ALDH8A1: variants seen among roughly 807,000 people sequenced by gnomAD.
ALDH8A1 encodes aldehyde dehydrogenase 8 family member A1, also known as 2-aminomuconic semialdehyde dehydrogenase.
Under a neutral mutation model 43.3 loss-of-function variants are expected in ALDH8A1, and 39 were observed. The ratio of observed to expected loss-of-function variants is 0.90; its 90% CI spans 0.70 to 1.18. The LOEUF is 1.18. Ranked by LOEUF, ALDH8A1 falls within the 50% of genes most tolerant of loss-of-function variation. The pLI, the probability that ALDH8A1 is intolerant of heterozygous loss-of-function variation, is 0.00. For synonymous variants in ALDH8A1, 233 were observed against 243.5 expected, an observed-to-expected ratio of 0.96 and a Z score of 0.40; for missense variants, 605 against 622.6, an observed-to-expected ratio of 0.97 and a Z score of 0.30.
At chr6:134,943,692 T>G in intron 2 of ALDH8A1, 127 bp downstream of exon 2, 3 of 1,399,096 alleles carry the variant, frequency 2.1e-6, no homozygotes, top group South Asian at 2.9e-5. Context: ...CAGGGGAGGG[T>G]TTGCTCTCCA....
intron 6 of ALDH8A1, among the ~76,000 whole-genome samples, chr6:134,919,576 A>G (rs960333669): frequency 1.3e-5 from 2 of 152,226 alleles, no homozygotes; most frequent in Non-Finnish European, 2.9e-5. Context: ...GAAATAGCTC[A>G]TAATAATTAT....
At chr6:134,938,596 G>A (rs7772031) in intron 4 of ALDH8A1, among the ~76,000 whole-genome samples, 95,429 of 151,824 alleles carry the variant, frequency 0.63, 30,186 homozygotes, top group East Asian at 0.74. Context: ...ATTGTCATCA[G>A]GATTAACTTG....
At chr6:134,946,870 C>T (rs1368623909) in intron 1 of ALDH8A1, among the ~76,000 whole-genome samples, 4 of 151,644 alleles carry the variant, frequency 2.6e-5, no homozygotes, top group Admixed American at 1.3e-4. Flanking sequence ...TTAGTACTGT[C>T]CTCTGTAAAA....
Position 134,949,960 on chromosome 6 carries a change from T to C in ALDH8A1, c.94A>G (p.Thr32Ala), listed in dbSNP as rs1424520257. 12 of 1,612,624 alleles carry C rather than the reference T, an allele frequency of 7.4e-6. No individual in the cohort carries two copies. The highest frequency in any genetic ancestry group is 1.7e-5 in the Admixed American group (1 of 59,840). Reference sequence around the variant, plus strand: ...GGCACTCTGCAATACACTTCCCCTGTTGATGGGTCGTAAGAATCTATATAT... The same window carrying C: ...GGCACTCTGCAATACACTTCCCCTGCTGATGGGTCGTAAGAATCTATATAT... ...SSYIDSYDPS[T>A]GEVYCRVPNS... The change falls in exon 1 of 7, where the codon ACA (threonine) becomes GCA (alanine). Residue 32 changes from threonine to alanine, a missense_variant. Transcript: ENST00000265605.
chr6:134,933,073 G>A (rs1177645484), intron 4 of ALDH8A1, 41 bp from the exon 5 acceptor site: 3 of 1,496,546 alleles, frequency 2.0e-6, no homozygotes, highest in East Asian at 2.3e-5. Flanking sequence ...TTCTCAGTAT[G>A]TTGAAGAGTT....
At chr6:134,932,648 G>A (rs1283519658) in intron 5 of ALDH8A1, 128 bp downstream of exon 5, 1 of 1,328,310 alleles carries the variant, frequency 7.5e-7, no homozygotes, top group Admixed American at 2.3e-5. Flanking sequence ...ATCACACAAT[G>A]TACTGATCCT....
intron 6 of ALDH8A1, among the ~76,000 whole-genome samples, chr6:134,928,836 TC>T (rs1164472969): frequency 6.6e-6 from 1 of 152,250 alleles, no homozygotes; most frequent in African/African-American, 2.4e-5. Flanking sequence ...CTTCTCAAGT[TC>T]ATTAATTTCA....
At chr6:134,932,666 CG>C in intron 5 of ALDH8A1, 109 bp downstream of exon 5, 1 of 1,455,740 alleles carries the variant, frequency 6.9e-7, no homozygotes, top group Non-Finnish European at 9.3e-7. Flanking sequence ...CCTGCTTTCT[CG>C]GAAATGGCAC....
chr6:134,928,649 C>T (rs866427484), intron 6 of ALDH8A1, among the ~76,000 whole-genome samples: 6 of 152,212 alleles, frequency 3.9e-5, no homozygotes, highest in South Asian at 2.1e-4. Flanking sequence ...TGACTAAGGA[C>T]GACACAATTG....
At chr6:134,946,637 G>T (rs901236337) in intron 1 of ALDH8A1, among the ~76,000 whole-genome samples, 2 of 152,200 alleles carry the variant, frequency 1.3e-5, no homozygotes, top group Non-Finnish European at 2.9e-5. Flanking sequence ...GGAGACTGAG[G>T]CATGCAAAAG....
intron 6 of ALDH8A1, among the ~76,000 whole-genome samples, chr6:134,925,351 A>G (rs889360429): frequency 6.6e-6 from 1 of 152,214 alleles, no homozygotes; most frequent in African/African-American, 2.4e-5. Flanking sequence ...TAGAGGCTCC[A>G]GGCTCGGATG....
rs1055341742 is a variant in ALDH8A1, at chr6:134,923,334, T to C, written c.1012-4467A>G. Among the ~76,000 whole-genome samples the C allele has an allele frequency of 6.7e-5, 10 of 149,384 alleles. 1 individual carries two copies. The South Asian group carries it at 2.1e-3, about 31-fold the overall frequency. The stretch of plus-strand genomic sequence containing the variant: ...CATGAGCCACCGTGCCCAGCGAAGG[T>C]TTATTAAAAAAAAAAGAAAGAAAAA... On this transcript the variant is annotated intron_variant, in intron 6 of 6. Transcript: ENST00000265605.
Position 134,929,192 on chromosome 6 carries a change from G to T in ALDH8A1, c.873C>A (p.Ser291Arg). Residue 291 changes from serine to arginine, a missense_variant, in exon 6 of 7, where the codon AGC becomes AGA. Ser to Arg is a moderately radical substitution (Grantham distance 110). Coordinates refer to ENST00000265605, the MANE Select transcript of ALDH8A1 (RefSeq NM_022568.4). ...ANQGEICLCT[S>R]RIFVQKSIYS... The stretch of plus-strand genomic sequence containing the variant: ...AGATGCTCTTCTGGACAAAGATCCT[G>T]CTGGTACAGAGACAGATTTCACCCT... The T allele has an allele frequency of 6.2e-7, 1 of 1,614,072 alleles. No homozygotes were observed. Among genetic ancestry groups the T allele is most frequent in the Non-Finnish European group, 8.5e-7 (1 of 1,179,994 alleles).
At chr6:134,943,519 T>C (rs1435234910) in intron 2 of ALDH8A1, among the ~76,000 whole-genome samples, 1 of 152,256 alleles carries the variant, frequency 6.6e-6, no homozygotes, top group African/African-American at 2.4e-5. Context: ...TCTCTCCCTA[T>C]ATCCATGCCC....
intron 4 of ALDH8A1, among the ~76,000 whole-genome samples, chr6:134,937,626 T>C (rs1208247411): frequency 2.0e-5 from 3 of 151,552 alleles, no homozygotes; most frequent in Admixed American, 2.0e-4. Flanking sequence ...CAGGAGAGAG[T>C]GGTTAAGGGA....
At chr6:134,947,427 G>A (rs1008537468) in intron 1 of ALDH8A1, among the ~76,000 whole-genome samples, 1 of 152,128 alleles carries the variant, frequency 6.6e-6, no homozygotes, top group African/African-American at 2.4e-5. Context: ...AGAAACAGCA[G>A]AGTTAAGAGG....
At chr6:134,940,477 T>C (rs1773834944) in intron 3 of ALDH8A1, among the ~76,000 whole-genome samples, 2 of 152,196 alleles carry the variant, frequency 1.3e-5, no homozygotes, top group South Asian at 2.1e-4. Flanking sequence ...GTTCTGAGTG[T>C]TCCATGTGAG....
At position 134,922,611 on chromosome 6, in the gene ALDH8A1, C is replaced by T. The variant is rs534051894; in HGVS notation, c.1012-3744G>A. ...CCACGTTGGCCAGGCTGGTCTCAAA[C>T]TCCTGACCTAAAGTGATCCACCCGC... On this transcript the variant is annotated intron_variant, in intron 6 of 6. Coordinates refer to ENST00000265605, the MANE Select transcript of ALDH8A1 (RefSeq NM_022568.4). 4.6e-5 allele frequency among the ~76,000 whole-genome samples: 7 copies of T among 152,152 alleles called. No individual in the cohort carries two copies. The South Asian group carries it at 1.5e-3, about 32-fold the overall frequency.
rs376191054 is a variant in ALDH8A1 at position 134,924,374 on chromosome 6, T to C, written c.1011+4680A>G. On this transcript the variant is annotated intron_variant, in intron 6 of 6. Coordinates refer to ENST00000265605, the MANE Select transcript of ALDH8A1 (RefSeq NM_022568.4). The stretch of plus-strand genomic sequence containing the variant: ...CCACCACAACCTTGCCCAAAAACTA[T>C]TTCTACAAGGATGTTTATACAGTAA... Among the ~76,000 whole-genome samples the C allele has an allele frequency of 3.1e-4, 47 of 152,330 alleles. 2 individuals carry two copies. The highest frequency in any genetic ancestry group is 6.8e-3 in the Middle Eastern group (2 of 294).
Sources: allele counts gnomAD v4.1 joint callset (sites outside exome capture counted in the v4.1 genomes callset), GRCh38; gene constraint gnomAD v4.1.1; transcripts MANE v1.5; gene names NCBI Gene and HGNC (gene_info 2026-07-23, HGNC 2026-07-21).